Variants in SMC5 observed in about 807,000 individuals in gnomAD.
SMC5 encodes the protein structural maintenance of chromosomes 5.
A neutral mutation model predicts 148.3 loss-of-function variants in SMC5; 88 were observed. The ratio of observed to expected loss-of-function variants is 0.59; its 90% CI spans 0.50 to 0.71. The LOEUF (loss-of-function observed/expected upper bound fraction) is 0.71. SMC5 is among the 30% of genes least tolerant of loss of function. The probability of loss-of-function intolerance (pLI) is 0.00; values close to 1 mark genes in which losing one functional copy is unlikely to be tolerated. For synonymous variants in SMC5, 421 were observed against 432.8 expected (o/e 0.97, Z 0.34); for missense variants, 1,142 against 1,298.9 (o/e 0.88, Z 1.86).
At chr9:70,322,471 T>A (rs976403140) in intron 15 of SMC5, among the ~76,000 whole-genome samples, 10 of 152,356 alleles carry the variant, frequency 6.6e-5, no homozygotes, top group Non-Finnish European at 1.5e-4. Flanking sequence ...ACTAGTCACT[T>A]CTGTATTTAA....
intron 17 of SMC5, among the ~76,000 whole-genome samples, chr9:70,326,851 C>T (rs111910594): frequency 0.011 from 1,613 of 151,092 alleles, 33 homozygotes; most frequent in African/African-American, 0.036. Flanking sequence ...TGTAATGATT[C>T]TAAGGGCAAA....
chr9:70,327,817 A>G (rs543119749), intron 17 of SMC5, among the ~76,000 whole-genome samples: 73 of 152,290 alleles, frequency 4.8e-4, no homozygotes, highest in Middle Eastern at 3.4e-3. Flanking sequence ...CTCTTCTCAC[A>G]CTGCTAAAAA....
intron 18 of SMC5, 58 bp from the exon 19 acceptor site, chr9:70,346,547 C>G: frequency 6.4e-7 from 1 of 1,565,156 alleles, no homozygotes; most frequent in South Asian, 1.1e-5. Context: ...GTATAAAGTT[C>G]TAACTTCTTG....
At chr9:70,317,679 C>G (rs2035838153) in intron 13 of SMC5, among the ~76,000 whole-genome samples, 1 of 152,116 alleles carries the variant, frequency 6.6e-6, no homozygotes, top group African/African-American at 2.4e-5. Flanking sequence ...GCAGCCTACT[C>G]TATAAATATA....
At chr9:70,349,604 GT>G (rs1564075960) in intron 22 of SMC5, among the ~76,000 whole-genome samples, 1 of 152,108 alleles carries the variant, frequency 6.6e-6, no homozygotes, top group Non-Finnish European at 1.5e-5. Context: ...TTCCTACCTT[GT>G]TTTTTTCCTT....
chr9:70,260,548 A>G (rs1465699291), intron 1 of SMC5, among the ~76,000 whole-genome samples: 1 of 152,014 alleles, frequency 6.6e-6, no homozygotes, highest in African/African-American at 2.4e-5. Flanking sequence ...TATCTTGATA[A>G]TTTCCATTGC....
At chr9:70,308,824 G>A (rs569412470) in intron 11 of SMC5, among the ~76,000 whole-genome samples, 3 of 151,910 alleles carry the variant, frequency 2.0e-5, no homozygotes, top group African/African-American at 4.8e-5. Flanking sequence ...TTGCTAGTAC[G>A]TAGACATATC....
At chr9:70,348,646 G>A (rs1312502096) in intron 22 of SMC5, among the ~76,000 whole-genome samples, 1 of 151,666 alleles carries the variant, frequency 6.6e-6, no homozygotes, top group East Asian at 1.9e-4. Flanking sequence ...AGCCAAAATG[G>A]TGCCACTGCA....
intron 3 of SMC5, among the ~76,000 whole-genome samples, chr9:70,274,496 A>C (rs72712284): frequency 0.082 from 12,028 of 147,190 alleles, 577 homozygotes; most frequent in East Asian, 0.15. Context: ...GTATTTTTCT[A>C]GTTGTCTTTT....
intron 13 of SMC5, among the ~76,000 whole-genome samples, chr9:70,316,734 C>A (rs2035812229): frequency 1.3e-5 from 2 of 151,940 alleles, no homozygotes; most frequent in African/African-American, 4.8e-5. Context: ...CAGAAAGGAG[C>A]AATTACTTCA....
At chr9:70,339,490 T>C (rs1445528335) in intron 17 of SMC5, among the ~76,000 whole-genome samples, 1 of 152,076 alleles carries the variant, frequency 6.6e-6, no homozygotes, top group African/African-American at 2.4e-5. Flanking sequence ...AGGTGTATGA[T>C]AGTTCACTTT....
chr9:70,323,956 A>G, intron 16 of SMC5, 65 bp from the exon 17 acceptor site: 12 of 1,355,742 alleles, frequency 8.9e-6, no homozygotes, highest in Admixed American at 2.7e-5. Context: ...TTAAAAAACT[A>G]TACATTTTTT....
intron 10 of SMC5, 42 bp downstream of exon 10, chr9:70,300,242 T>G: frequency 6.5e-7 from 1 of 1,546,332 alleles, no homozygotes; most frequent in Non-Finnish European, 8.7e-7. Context: ...GTTTTATTAT[T>G]GTAATCATAG....
At chr9:70,276,172 C>G (rs1472797959) in intron 3 of SMC5, among the ~76,000 whole-genome samples, 1 of 152,204 alleles carries the variant, frequency 6.6e-6, no homozygotes, top group Non-Finnish European at 1.5e-5. Context: ...TGAAGTATTT[C>G]TAGTTTACCC....
intron 10 of SMC5, among the ~76,000 whole-genome samples, chr9:70,303,658 T>G (rs561784239): frequency 3.0e-4 from 45 of 152,356 alleles, no homozygotes; most frequent in African/African-American, 1.0e-3. Flanking sequence ...CATTTAGTTC[T>G]ATGAGGTATA....
At chr9:70,270,156 C>A (rs2034404144) in intron 3 of SMC5, among the ~76,000 whole-genome samples, 1 of 152,146 alleles carries the variant, frequency 6.6e-6, no homozygotes, top group African/African-American at 2.4e-5. Flanking sequence ...TTCTGACCAA[C>A]CAGCTGTAAA....
rs2036852558 is a variant in SMC5, at chr9:70,353,829, A to G, written c.*1498A>G. The G allele has an allele frequency of 6.6e-6, 1 of 152,250 alleles. No individual in the cohort carries two copies. The highest frequency in any genetic ancestry group is 2.4e-5 in the African/African-American group (1 of 41,472). 9.4% of individuals were successfully genotyped at this position (152,250 alleles called of 1,614,324 possible). A position where few individuals can be genotyped will look rare whatever the true frequency, so the allele number is the denominator to read the frequency against. On this transcript the variant is annotated 3_prime_UTR_variant, in exon 25 of 25. Coordinates refer to ENST00000361138, the MANE Select transcript of SMC5 (RefSeq NM_015110.4). ...TGTAAACATTGAAGAACTTGGTAAC[A>G]TATTAGTAAATGGATATTACCAAAT...
chr9:70,300,488 T>G (rs2118412475), intron 10 of SMC5, among the ~76,000 whole-genome samples: 1 of 152,148 alleles, frequency 6.6e-6, no homozygotes, highest in Middle Eastern at 3.4e-3. Context: ...TTTTGGCGCT[T>G]GTTACTAGAT....
chr9:70,340,257 C>T (rs2036483205), intron 17 of SMC5, among the ~76,000 whole-genome samples: 1 of 151,498 alleles, frequency 6.6e-6, no homozygotes, highest in Non-Finnish European at 1.5e-5. Context: ...CTGCTTGCCA[C>T]TCCCTCAAAA....
Sources: gnomAD v4.1 joint callset for allele counts (sites outside exome capture counted in the v4.1 genomes callset) on GRCh38, gnomAD v4.1.1 for gene constraint, MANE v1.5 for transcripts, NCBI Gene and HGNC (gene_info 2026-07-23, HGNC 2026-07-21) for gene names.